Variants in EIF4G3 observed in about 807,000 individuals in gnomAD.
The protein encoded by EIF4G3 is eIF-4-gamma 3.
EIF4G3 carries 34 observed loss-of-function variants against 186.4 expected under a neutral mutation model. The observed-to-expected ratio is 0.18, with a 90% CI of 0.14 to 0.24. The LOEUF is 0.24. Among genes scored for constraint, EIF4G3 ranks in the 10% least tolerant of loss-of-function variants. The pLI is 1.00. For synonymous variants in EIF4G3, 673 were observed against 679.5 expected, an observed-to-expected ratio of 0.99 and a Z score of 0.15; for missense variants, 1,536 against 1,948.5, an observed-to-expected ratio of 0.79 and a Z score of 3.99.
At chr1:21,137,347 C>T (rs1291667387) in intron 2 of EIF4G3, among the ~76,000 whole-genome samples, 1 of 151,998 alleles carries the variant, frequency 6.6e-6, no homozygotes, top group African/African-American at 2.4e-5. Flanking sequence ...GGTCTCACTA[C>T]ACTGCTCAGG....
intron 33 of EIF4G3, 41 bp downstream of exon 33, chr1:20,825,059 T>A (rs1317638180): frequency 7.5e-7 from 1 of 1,327,548 alleles, no homozygotes. Context: ...ATGAAATAGA[T>A]CAACTACTAT....
intron 2 of EIF4G3, among the ~76,000 whole-genome samples, chr1:21,150,774 C>T (rs964515345): frequency 6.6e-6 from 1 of 152,078 alleles, no homozygotes; most frequent in Non-Finnish European, 1.5e-5. Flanking sequence ...GTCGGGAGTT[C>T]GAGATCAGCC....
At chr1:20,939,116 T>TAAAAAAAAAA (rs3051247) in intron 14 of EIF4G3, among the ~76,000 whole-genome samples, 2 of 129,718 alleles carry the variant, frequency 1.5e-5, no homozygotes, top group Non-Finnish European at 3.1e-5. Flanking sequence ...TAAAAAAAAT[T>TAAAAAAAAAA]AAAAAAAAAA....
At chr1:21,003,480 G>A (rs1472960412) in intron 4 of EIF4G3, 1 of 179,694 alleles carries the variant, frequency 5.6e-6, no homozygotes, top group East Asian at 1.7e-4. Flanking sequence ...CCAAAATCTA[G>A]GTGTAACCAT....
intron 3 of EIF4G3, among the ~76,000 whole-genome samples, chr1:21,088,427 A>T (rs1162878653): frequency 1.6e-5 from 1 of 61,182 alleles, no homozygotes; most frequent in African/African-American, 4.5e-5. Context: ...CTCAAAATTT[A>T]AAAAAAAAGT....
chr1:20,980,921 A>C, intron 9 of EIF4G3, 127 bp downstream of exon 9: 1 of 679,546 alleles, frequency 1.5e-6, no homozygotes, highest in Non-Finnish European at 2.2e-6. Context: ...TAGATTTGTA[A>C]CCAACAAAAC....
rs1361232484 is a variant in EIF4G3, at chr1:20,988,262, C to G, written c.178-5854G>C. 31 of 170,284 alleles carry G rather than the reference C, an allele frequency of 1.8e-4. No homozygotes were observed. The Admixed American group carries it at 2.0e-3, about 11-fold the overall frequency. 10.5% of individuals were successfully genotyped at this position (170,284 alleles called of 1,614,324 possible). ...GCTTCAAGTTATCCAGAAGATCCAGCCAAGAAAACTGATAAAAGTGCCTAC... is the reference window on the plus strand; with the variant it reads ...GCTTCAAGTTATCCAGAAGATCCAGGCAAGAAAACTGATAAAAGTGCCTAC... On this transcript the variant is annotated intron_variant, in intron 7 of 36. Transcript: ENST00000602326.
chr1:21,137,421 T>C (rs1485054409), intron 2 of EIF4G3, among the ~76,000 whole-genome samples: 1 of 152,112 alleles, frequency 6.6e-6, no homozygotes, highest in African/African-American at 2.4e-5. Context: ...ATTACAGGCA[T>C]TAGACACTGC....
At chr1:20,828,281 C>T (rs747714810) in intron 31 of EIF4G3, among the ~76,000 whole-genome samples, 2 of 152,046 alleles carry the variant, frequency 1.3e-5, no homozygotes, top group Admixed American at 1.3e-4. Context: ...CCGCCTGCCT[C>T]GGCCTCCCAA....
At chr1:21,176,676 G>C (rs1306011313) in intron 1 of EIF4G3, 46 bp downstream of exon 1, 5 of 476,418 alleles carry the variant, frequency 1.0e-5, no homozygotes, top group Non-Finnish European at 1.5e-5. Flanking sequence ...CGCGACCCCA[G>C]GGGGGGGGCC....
intron 8 of EIF4G3, among the ~76,000 whole-genome samples, chr1:20,981,502 G>A (rs988895885): frequency 9.5e-5 from 8 of 83,858 alleles, no homozygotes; most frequent in Non-Finnish European, 2.0e-4. Flanking sequence ...ACATGTATAC[G>A]CACATACTGT....
At chr1:20,879,059 T>A (rs2081610141) in intron 20 of EIF4G3, among the ~76,000 whole-genome samples, 1 of 152,216 alleles carries the variant, frequency 6.6e-6, no homozygotes, top group South Asian at 2.1e-4. Context: ...TTTACATTAC[T>A]AATTTAAACC....
chr1:21,150,193 C>T (rs1214528477), intron 2 of EIF4G3, among the ~76,000 whole-genome samples: 5 of 152,236 alleles, frequency 3.3e-5, no homozygotes, highest in Non-Finnish European at 7.3e-5. Flanking sequence ...GCTGCAGCAG[C>T]AGCCATTTTT....
intron 4 of EIF4G3, among the ~76,000 whole-genome samples, chr1:21,029,113 G>A (rs1343657089): frequency 3.2e-4 from 48 of 152,076 alleles, no homozygotes; most frequent in Non-Finnish European, 1.5e-5. Flanking sequence ...CACCCCCTAG[G>A]TCCAAGCGAT....
chr1:20,958,088 C>T (rs1251562774), intron 12 of EIF4G3, among the ~76,000 whole-genome samples: 1 of 151,988 alleles, frequency 6.6e-6, no homozygotes, highest in African/African-American at 2.4e-5. Context: ...CAGGAAAGAA[C>T]ACACAAAAAA....
At chr1:20,932,210 C>G (rs919565267) in intron 14 of EIF4G3, among the ~76,000 whole-genome samples, 3 of 152,190 alleles carry the variant, frequency 2.0e-5, no homozygotes, top group African/African-American at 7.2e-5. Context: ...TCACCTCACT[C>G]AGTCTTCACA....
Position 20,810,057 on chromosome 1 carries a change from G to A in EIF4G3, c.4744+681C>T, listed in dbSNP as rs866313797. On this transcript the variant is annotated intron_variant, in intron 36 of 36. Transcript: ENST00000602326. This position sits in a 1 kb window ranked among gnomAD's most constrained non-coding sequence, Gnocchi z 4.1. ...GCCATCTTGGCTTAGTGCAAACTCC[G>A]CCTCCCAGGTTCAAGTGATTCTCGT... 3.3e-5 allele frequency among the ~76,000 whole-genome samples: 5 copies of A among 151,584 alleles called. No individual in the cohort carries two copies. Among genetic ancestry groups the A allele is most frequent in the South Asian group, 2.1e-4 (1 of 4,820 alleles).
chr1:20,962,822 G>A (rs975072735), intron 12 of EIF4G3, among the ~76,000 whole-genome samples: 5 of 152,080 alleles, frequency 3.3e-5, no homozygotes, highest in African/African-American at 1.2e-4. Context: ...AATAGCAACA[G>A]GAGGTGGCTA....
At chr1:20,875,571 AT>A (rs918848180) in intron 20 of EIF4G3, among the ~76,000 whole-genome samples, 134 of 152,238 alleles carry the variant, frequency 8.8e-4, no homozygotes, top group African/African-American at 3.0e-3. Flanking sequence ...GAAAGCACAT[AT>A]GTTAGTCATA....
Sources: allele counts gnomAD v4.1 joint callset (sites outside exome capture counted in the v4.1 genomes callset), GRCh38; gene constraint gnomAD v4.1.1; non-coding constraint Gnocchi (gnomAD v3.1); transcripts MANE v1.5; gene names NCBI Gene and HGNC (gene_info 2026-07-23, HGNC 2026-07-21).